The following INTS2 variants were observed in gnomAD, a reference collection of about 807,000 sequenced individuals.
INTS2 encodes KIAA1287.
A neutral mutation model predicts 139.6 loss-of-function variants in INTS2; 57 were observed. The ratio of observed to expected loss-of-function variants is 0.41; its 90% CI spans 0.33 to 0.51. The LOEUF (loss-of-function observed/expected upper bound fraction) is 0.51, where lower values mean the gene tolerates loss of function less well. Among genes scored for constraint, INTS2 ranks in the 20% least tolerant of loss-of-function variants. The probability of loss-of-function intolerance (pLI) is 0.28; values close to 1 mark genes in which losing one functional copy is unlikely to be tolerated. For missense variants in INTS2, 1,196 were observed against 1,436.7 expected, an observed-to-expected ratio of 0.83 and a Z score of 2.71; for synonymous variants, 473 against 493.4, an observed-to-expected ratio of 0.96 and a Z score of 0.55.
chr17:61,912,387 GTGC>G (rs1567913602), intron 5 of INTS2, among the ~76,000 whole-genome samples: 9 of 15,020 alleles, frequency 6.0e-4, no homozygotes, highest in Admixed American at 1.1e-3. Context: ...GGGGGGGGGG[GTGC>G]GGGGCATGGA....
chr17:61,879,512 G>A (rs2079158727), intron 17 of INTS2, among the ~76,000 whole-genome samples: 1 of 152,092 alleles, frequency 6.6e-6, no homozygotes, highest in African/African-American at 2.4e-5. Context: ...TCTTAGTGGG[G>A]GGTAAAATAT....
intron 9 of INTS2, 129 bp downstream of exon 9, chr17:61,904,326 AAAAAC>A: frequency 1.5e-6 from 1 of 650,900 alleles, no homozygotes; most frequent in Non-Finnish European, 2.6e-6. Flanking sequence ...AAAAATTGGA[AAAAAC>A]AAAACAAAAC....
chr17:61,871,964 G>A lies in INTS2; in HGVS notation c.2778+301C>T, dbSNP rs559688329. 6.5e-5 allele frequency: 14 copies of A among 214,524 alleles called. No homozygotes were observed. The highest frequency in any genetic ancestry group is 1.6e-3 in the Middle Eastern group (1 of 614). The allele number at this position is 214,524 out of a possible 1,614,324, so 13.3% of individuals were successfully genotyped here. On this transcript the variant is annotated intron_variant, in intron 20 of 24. Coordinates refer to ENST00000251334, the MANE Select transcript of INTS2 (RefSeq NM_001351695.2). This position sits in a 1 kb window ranked among gnomAD's most constrained non-coding sequence, Gnocchi z 4.9. ...ACAAAAAAAACAAAAAAAATGTGCC[G>A]AATGAATAAACATGTAACTCTAAAC...
In INTS2 at chr17:61,878,945, A is replaced by AAAAAAAAC. The variant is rs2079151564; in HGVS notation, c.2255-858_2255-857insGTTTTTTT. 8.6e-5 allele frequency among the ~76,000 whole-genome samples: 11 copies of AAAAAAAAC among 127,936 alleles called. 3 individuals are homozygous for AAAAAAAAC. Among genetic ancestry groups the AAAAAAAAC allele is most frequent in the African/African-American group, 5.5e-4 (11 of 19,942 alleles). 83.9% of individuals were successfully genotyped at this position (127,936 alleles called of 152,430 possible). A position where few individuals can be genotyped will look rare whatever the true frequency, so the allele number is the denominator to read the frequency against. The stretch of plus-strand genomic sequence containing the variant: ...GACCCTGTCTCCAAAAAAAAAAAAA[A>AAAAAAAAC]AAAAAAAAACACTTTACTGACCCGA... On this transcript the variant is annotated intron_variant, in intron 17 of 24. Coordinates refer to ENST00000251334, the MANE Select transcript of INTS2 (RefSeq NM_001351695.2).
intron 3 of INTS2, among the ~76,000 whole-genome samples, chr17:61,922,511 C>CATATAT (rs60100593): frequency 0.025 from 1,811 of 72,658 alleles, 91 homozygotes; most frequent in Middle Eastern, 0.028. Context: ...AACAAACAAA[C>CATATAT]ATATATATAT....
intron 9 of INTS2, among the ~76,000 whole-genome samples, chr17:61,898,602 T>C (rs931548830): frequency 4.0e-5 from 6 of 151,504 alleles, no homozygotes; most frequent in African/African-American, 1.5e-4. Flanking sequence ...AGCCTAACAA[T>C]GACTTTTTAA....
intron 17 of INTS2, among the ~76,000 whole-genome samples, chr17:61,879,324 G>A (rs2079157170): frequency 6.6e-6 from 1 of 151,824 alleles, no homozygotes; most frequent in South Asian, 2.1e-4. Flanking sequence ...TCCTCCAGGT[G>A]GTCCCCTTAT....
At chr17:61,884,301 G>A (rs985729637) in intron 16 of INTS2, among the ~76,000 whole-genome samples, 2 of 152,038 alleles carry the variant, frequency 1.3e-5, no homozygotes, top group African/African-American at 4.8e-5. Flanking sequence ...GACCAGCCTG[G>A]GCAACATAGT....
In INTS2 at chr17:61,927,906, G is replaced by T; in HGVS notation, c.-271C>A. On this transcript the variant is annotated 5_prime_UTR_variant, in exon 1 of 25. Coordinates refer to ENST00000251334, the MANE Select transcript of INTS2 (RefSeq NM_001351695.2). Reference sequence around the variant, plus strand: ...ACCGGGACTGTAGGAACGGAAAAGCGGGAGACTTTTTCAACCTGCACCCAG... The same window carrying T: ...ACCGGGACTGTAGGAACGGAAAAGCTGGAGACTTTTTCAACCTGCACCCAG... The T allele has an allele frequency of 6.2e-7, 1 of 1,613,934 alleles. No individual in the cohort carries two copies. The highest frequency in any genetic ancestry group is 1.3e-5 in the African/African-American group (1 of 75,038).
intron 8 of INTS2, among the ~76,000 whole-genome samples, chr17:61,906,038 C>G (rs1305819455): frequency 1.3e-5 from 2 of 152,164 alleles, no homozygotes; most frequent in Non-Finnish European, 2.9e-5. Context: ...TTCCAATTAT[C>G]TGTTTTTGGA....
chr17:61,924,205 G>T (rs999998602), intron 3 of INTS2, among the ~76,000 whole-genome samples: 1 of 152,084 alleles, frequency 6.6e-6, no homozygotes, highest in African/African-American at 2.4e-5. Context: ...TGCTCATCCA[G>T]TGTCTAAATG....
chr17:61,918,665 T>C (rs1299981953), intron 5 of INTS2, among the ~76,000 whole-genome samples: 3 of 152,374 alleles, frequency 2.0e-5, no homozygotes, highest in Admixed American at 1.3e-4. Flanking sequence ...AAAATGTTTT[T>C]ATTTTTATAT....
In INTS2 at chr17:61,871,620, A is replaced by G. The variant is rs1220031394; in HGVS notation, c.2778+645T>C. ...GTTCCTGGAACAATACTTGGCACAC[A>G]GTAGGTGTCCCAGTAAATATTGGTT... is the stretch of plus-strand genomic sequence containing the variant. On this transcript the variant is annotated intron_variant, in intron 20 of 24. Coordinates refer to ENST00000251334, the MANE Select transcript of INTS2 (RefSeq NM_001351695.2). The surrounding 1 kb of genome is among the most constrained non-coding windows in gnomAD (Gnocchi z 4.9). Among the ~76,000 whole-genome samples the G allele has an allele frequency of 1.3e-5, 2 of 152,134 alleles. No homozygotes were observed. The highest frequency in any genetic ancestry group is 4.8e-5 in the African/African-American group (2 of 41,436).
intron 8 of INTS2, among the ~76,000 whole-genome samples, chr17:61,906,615 T>C (rs1390859854): frequency 6.6e-6 from 1 of 152,092 alleles, no homozygotes; most frequent in Admixed American, 6.6e-5. Flanking sequence ...CTCATGCATA[T>C]TGGAGACATG....
chr17:61,915,804 C>A, intron 5 of INTS2, among the ~76,000 whole-genome samples: 3 of 106,978 alleles, frequency 2.8e-5, no homozygotes, highest in South Asian at 3.2e-4. Flanking sequence ...GGCGACAGAG[C>A]AAGACTCTGT....
Position 61,869,624 on chromosome 17 carries a change from C to A in INTS2, c.3030+113G>T. On this transcript the variant is annotated intron_variant, in intron 21 of 24. Transcript: ENST00000251334. The surrounding 1 kb of genome is among the most constrained non-coding windows in gnomAD (Gnocchi z 5.4). Reference sequence around the variant, plus strand: ...GGATTTTTCTCCATATTGCAAAAGCCCATGGATCATTTGTGTTTTCTCTGG... The same window carrying A: ...GGATTTTTCTCCATATTGCAAAAGCACATGGATCATTTGTGTTTTCTCTGG... The A allele has an allele frequency of 7.9e-7, 1 of 1,270,626 alleles. No homozygotes were observed. The highest frequency in any genetic ancestry group is 1.1e-6 in the Non-Finnish European group (1 of 917,456). The allele number at this position is 1,270,626 out of a possible 1,614,324, so 78.7% of individuals were successfully genotyped here. A position where few individuals can be genotyped will look rare whatever the true frequency, so the allele number is the denominator to read the frequency against.
chr17:61,903,250 C>T (rs1429835843), intron 9 of INTS2, among the ~76,000 whole-genome samples: 1 of 146,976 alleles, frequency 6.8e-6, no homozygotes, highest in Non-Finnish European at 1.5e-5. Context: ...AGACAGGAGT[C>T]GCACTATGTT....
chr17:61,912,270 G>A (rs2079533984), intron 5 of INTS2, among the ~76,000 whole-genome samples, 200 bp from the exon 6 acceptor site: 1 of 151,194 alleles, frequency 6.6e-6, no homozygotes, highest in South Asian at 2.1e-4. Context: ...TTGCAATTAC[G>A]GTCCCAGAGA....
chr17:61,882,890 C>T lies in INTS2; in HGVS notation c.2090-1719G>A, dbSNP rs1368127200. On this transcript the variant is annotated intron_variant, in intron 16 of 24. Transcript: ENST00000251334. The surrounding 1 kb of genome is among the most constrained non-coding windows in gnomAD (Gnocchi z 4.7). The stretch of plus-strand genomic sequence containing the variant: ...CGCAGTAGTAGTAGGAATCAAAGTA[C>T]TTTAGATCTAATTATCCTTTTATTA... 1.3e-5 allele frequency among the ~76,000 whole-genome samples: 2 copies of T among 152,180 alleles called. No homozygotes were observed. Among genetic ancestry groups the T allele is most frequent in the African/African-American group, 2.4e-5 (1 of 41,446 alleles).
Sources: gnomAD v4.1 joint callset for allele counts (sites outside exome capture counted in the v4.1 genomes callset) on GRCh38, gnomAD v4.1.1 for gene constraint, Gnocchi (gnomAD v3.1) non-coding constraint, MANE v1.5 for transcripts, NCBI Gene and HGNC (gene_info 2026-07-23, HGNC 2026-07-21) for gene names.